Variants in SLC25A26 observed in about 807,000 individuals in gnomAD.
SLC25A26 encodes solute carrier family 25 member 26.
SLC25A26 carries 36 observed loss-of-function variants against 37.8 expected under a neutral mutation model. The observed-to-expected ratio is 0.95, with a 90% CI of 0.73 to 1.26. The LOEUF is 1.26. Among genes scored for constraint, SLC25A26 ranks in the 50% most tolerant of loss-of-function variants. SLC25A26 has a pLI of 0.00. For missense variants in SLC25A26, 390 were observed against 331.1 expected (o/e 1.18, Z -1.38); for synonymous variants, 129 against 122.5 (o/e 1.05, Z -0.35).
chr3:66,213,114 C>T (rs937753550), intron 1 of SLC25A26, among the ~76,000 whole-genome samples: 3 of 152,058 alleles, frequency 2.0e-5, no homozygotes, highest in African/African-American at 4.8e-5. Flanking sequence ...CTAGGCCTGG[C>T]GCAGCCCAGG....
At chr3:66,205,327 T>C (rs2106821049) in intron 1 of SLC25A26, among the ~76,000 whole-genome samples, 1 of 152,350 alleles carries the variant, frequency 6.6e-6, no homozygotes, top group South Asian at 2.1e-4. Flanking sequence ...CCCAGAGTCT[T>C]ACATCTTTCT....
intron 1 of SLC25A26, among the ~76,000 whole-genome samples, chr3:66,199,132 A>C (rs948862473): frequency 8.0e-5 from 12 of 149,988 alleles, no homozygotes; most frequent in South Asian, 4.2e-4. Context: ...TCATCCCCCA[A>C]CCCTTGTACC....
intron 1 of SLC25A26, among the ~76,000 whole-genome samples, chr3:66,187,703 AACCCCT>A (rs2070856594): frequency 6.6e-6 from 1 of 151,466 alleles, no homozygotes. Flanking sequence ...CCCTGACCAT[AACCCCT>A]ACACTCACAC....
At chr3:66,333,688 A>T (rs1215243928) in intron 5 of SLC25A26, among the ~76,000 whole-genome samples, 1 of 151,974 alleles carries the variant, frequency 6.6e-6, no homozygotes, top group Non-Finnish European at 1.5e-5. Flanking sequence ...TGATTCAAGG[A>T]GATGTAGATG....
At chr3:66,352,442 G>T (rs1678125) in intron 6 of SLC25A26, among the ~76,000 whole-genome samples, 23,001 of 127,864 alleles carry the variant, frequency 0.18, 4,526 homozygotes, top group African/African-American at 0.5. Flanking sequence ...TTTGTTTTTT[G>T]TTTTTTTTTT....
chr3:66,366,644 A>T (rs1284735798), intron 7 of SLC25A26, among the ~76,000 whole-genome samples: 1 of 152,254 alleles, frequency 6.6e-6, no homozygotes, highest in Admixed American at 6.5e-5. Flanking sequence ...AATGGCCAAA[A>T]TAAGTTTGAT....
chr3:66,300,380 A>C (rs922905838), intron 5 of SLC25A26, among the ~76,000 whole-genome samples: 1 of 151,312 alleles, frequency 6.6e-6, no homozygotes, highest in Non-Finnish European at 1.5e-5. Context: ...TTATAGTGAC[A>C]TTGGCAATAT....
At chr3:66,223,637 G>A (rs2071603221) in intron 1 of SLC25A26, among the ~76,000 whole-genome samples, 1 of 152,158 alleles carries the variant, frequency 6.6e-6, no homozygotes, top group African/African-American at 2.4e-5. Context: ...TGAATGAAAA[G>A]CCTAGATGAT....
chr3:66,144,802 AT>A (rs1356703159), intron 1 of SLC25A26, among the ~76,000 whole-genome samples: 1 of 152,156 alleles, frequency 6.6e-6, no homozygotes, highest in African/African-American at 2.4e-5. Context: ...GTGTCTTTTT[AT>A]TTCTTTAAGC....
At chr3:66,233,451 G>A (rs1171863288) in intron 1 of SLC25A26, among the ~76,000 whole-genome samples, 21 of 138,890 alleles carry the variant, frequency 1.5e-4, no homozygotes, top group Admixed American at 1.3e-3. Context: ...ATTATGAAAT[G>A]AATCACTTGC....
intron 3 of SLC25A26, among the ~76,000 whole-genome samples, chr3:66,258,036 A>AT (rs1262833596): frequency 3.9e-5 from 6 of 152,094 alleles, no homozygotes; most frequent in Non-Finnish European, 8.8e-5. Flanking sequence ...AATGAAGAAT[A>AT]TTTTTTGGAA....
At chr3:66,195,747 T>C (rs1455071156) in intron 1 of SLC25A26, among the ~76,000 whole-genome samples, 12 of 152,240 alleles carry the variant, frequency 7.9e-5, no homozygotes, top group Admixed American at 7.2e-4. Flanking sequence ...CAAAGGAGTC[T>C]CAAAAGAATG....
intron 1 of SLC25A26, among the ~76,000 whole-genome samples, chr3:66,149,003 A>G (rs1246356071): frequency 6.6e-6 from 1 of 152,096 alleles, no homozygotes; most frequent in Non-Finnish European, 1.5e-5. Context: ...CCTTCTGGGG[A>G]ACCTTCTCTC....
In SLC25A26 at chr3:66,340,313, A is replaced by G. The variant is rs570589849; in HGVS notation, c.454-6051A>G. Among the ~76,000 whole-genome samples, 4 of 152,244 alleles carry G rather than the reference A, an allele frequency of 2.6e-5. No homozygotes were observed. In the South Asian group the frequency reaches 8.3e-4, roughly 32 times the overall value. On this transcript the variant is annotated intron_variant, in intron 5 of 9. Coordinates refer to ENST00000354883, the MANE Select transcript of SLC25A26 (RefSeq NM_001379210.1). Reference sequence around the variant, plus strand: ...TTCATTGGGGTACCTTGAGGTCCATATGAATTTTGGTGGTGGATTTTGGAT... The same window carrying G: ...TTCATTGGGGTACCTTGAGGTCCATGTGAATTTTGGTGGTGGATTTTGGAT...
rs373226606 is a variant in SLC25A26, at chr3:66,236,775, C to G, written c.190+75C>G. ...TCAGAATGGTGTGTGGTCTTACCCC[C>G]ATAGAATTCCTTGTGTGTTGAAGCT... On this transcript the variant is annotated intron_variant, in intron 2 of 9. Coordinates refer to ENST00000354883, the MANE Select transcript of SLC25A26 (RefSeq NM_001379210.1). 51 of 1,119,682 alleles carry G rather than the reference C, an allele frequency of 4.6e-5. No homozygotes were observed. The African/African-American group carries it at 6.3e-4, about 14-fold the overall frequency. The allele number at this position is 1,119,682 out of a possible 1,614,324, so 69.4% of individuals were successfully genotyped here.
At chr3:66,296,430 T>A (rs2074905262) in intron 5 of SLC25A26, among the ~76,000 whole-genome samples, 1 of 152,226 alleles carries the variant, frequency 6.6e-6, no homozygotes, top group African/African-American at 2.4e-5. Flanking sequence ...GCTTTATTTT[T>A]AAAAATAAAC....
At chr3:66,305,603 T>C (rs1478253976) in intron 5 of SLC25A26, among the ~76,000 whole-genome samples, 1 of 152,118 alleles carries the variant, frequency 6.6e-6, no homozygotes, top group Non-Finnish European at 1.5e-5. Context: ...TTCCTAATGC[T>C]CCCCTTCCCC....
intron 6 of SLC25A26, among the ~76,000 whole-genome samples, chr3:66,346,946 A>C (rs1234376574): frequency 2.0e-5 from 3 of 152,088 alleles, no homozygotes; most frequent in African/African-American, 7.2e-5. Context: ...AGCCAGGACT[A>C]GGAGCCTCCA....
chr3:66,319,989 C>T (rs1172774661), intron 5 of SLC25A26, among the ~76,000 whole-genome samples: 5 of 151,904 alleles, frequency 3.3e-5, no homozygotes, highest in African/African-American at 7.3e-5. Context: ...TCAGGTGATC[C>T]GCTGCCTTAG....
Sources: allele counts gnomAD v4.1 joint callset (sites outside exome capture counted in the v4.1 genomes callset), GRCh38; gene constraint gnomAD v4.1.1; transcripts MANE v1.5; gene names NCBI Gene and HGNC (gene_info 2026-07-23, HGNC 2026-07-21).